Variants in GRIA2 observed in about 807,000 individuals in gnomAD.
The protein encoded by GRIA2 is glutamate ionotropic receptor AMPA type subunit 2.
GRIA2 carries 14 observed loss-of-function variants against 97.3 expected under a neutral mutation model. That is an observed-to-expected ratio of 0.14 (90% CI 0.10 to 0.23). The LOEUF (loss-of-function observed/expected upper bound fraction) is 0.23. Among genes scored for constraint, GRIA2 ranks in the 10% least tolerant of loss-of-function variants. GRIA2 has a pLI of 1.00. For missense variants in GRIA2, 558 were observed against 1,069.8 expected, an observed-to-expected ratio of 0.52 and a Z score of 6.67; for synonymous variants, 412 against 387.8, an observed-to-expected ratio of 1.06 and a Z score of -0.73.
At chr4:157,323,918 T>C (rs1435206212) in intron 6 of GRIA2, among the ~76,000 whole-genome samples, 2 of 152,148 alleles carry the variant, frequency 1.3e-5, no homozygotes, top group Non-Finnish European at 2.9e-5. Context: ...GAGAGATCAT[T>C]ATGCTTCTTC....
chr4:157,234,848 C>A (rs927291445), intron 2 of GRIA2, among the ~76,000 whole-genome samples: 1 of 152,066 alleles, frequency 6.6e-6, no homozygotes, highest in African/African-American at 2.4e-5. Context: ...GAGATTATTT[C>A]TCTTAGGGAG....
At chr4:157,349,064 T>C (rs1735888146) in intron 12 of GRIA2, among the ~76,000 whole-genome samples, 1 of 152,218 alleles carries the variant, frequency 6.6e-6, no homozygotes, top group Non-Finnish European at 1.5e-5. Flanking sequence ...ACAGTGACTA[T>C]TGATGGAACA....
chr4:157,259,883 G>A (rs1368547436), intron 2 of GRIA2, among the ~76,000 whole-genome samples: 1 of 152,014 alleles, frequency 6.6e-6, no homozygotes, highest in Admixed American at 6.6e-5. Context: ...GATTAGAATT[G>A]TATTTGATTA....
chr4:157,262,830 G>A (rs985733312), intron 2 of GRIA2, among the ~76,000 whole-genome samples: 3 of 151,938 alleles, frequency 2.0e-5, no homozygotes, highest in Non-Finnish European at 2.9e-5. Flanking sequence ...AAACTTCTTA[G>A]GGAAACCACT....
intron 5 of GRIA2, among the ~76,000 whole-genome samples, chr4:157,318,171 A>G (rs1424280313): frequency 6.6e-6 from 1 of 152,136 alleles, no homozygotes; most frequent in Non-Finnish European, 1.5e-5. Context: ...AGAAAAGGGA[A>G]AATTCTCAAA....
In GRIA2 at chr4:157,287,808, A is replaced by G. The variant is rs1365528039; in HGVS notation, c.230-15744A>G. ...CAAAGTCTTTCTCTTTTCTCCGATG[A>G]GCCATTAAAATTCAAGATTCTAGGT... On this transcript the variant is annotated intron_variant, in intron 2 of 15. Transcript: ENST00000264426. Among the ~76,000 whole-genome samples, 5 of 151,486 alleles carry G rather than the reference A, an allele frequency of 3.3e-5. No homozygotes were observed. The Admixed American group carries it at 3.3e-4, about 10-fold the overall frequency.
chr4:157,295,382 G>T (rs1480449437), intron 2 of GRIA2, among the ~76,000 whole-genome samples: 2 of 152,108 alleles, frequency 1.3e-5, no homozygotes, highest in Non-Finnish European at 2.9e-5. Flanking sequence ...TTGTGGCAGA[G>T]CTATAGGGAA....
At chr4:157,276,571 G>A (rs1579324900) in intron 2 of GRIA2, among the ~76,000 whole-genome samples, 1 of 151,550 alleles carries the variant, frequency 6.6e-6, no homozygotes, top group East Asian at 1.9e-4. Flanking sequence ...AATCAAGAGT[G>A]AGAAAATCAA....
At chr4:157,243,097 C>T (rs1427107869) in intron 2 of GRIA2, among the ~76,000 whole-genome samples, 2 of 152,046 alleles carry the variant, frequency 1.3e-5, no homozygotes, top group African/African-American at 4.8e-5. Context: ...CAGAGTGTTG[C>T]CTTGTTTGAT....
intron 12 of GRIA2, among the ~76,000 whole-genome samples, chr4:157,347,526 C>G (rs1030808924): frequency 1.3e-5 from 2 of 152,192 alleles, no homozygotes; most frequent in African/African-American, 4.8e-5. Context: ...GGATTAGTCT[C>G]TCATTTCAAA....
intron 1 of GRIA2, chr4:157,221,464 C>T: frequency 1.7e-6 from 1 of 592,024 alleles, no homozygotes; most frequent in Non-Finnish European, 3.0e-6. Flanking sequence ...GGCCGCCTAC[C>T]TCGCCTTCAG....
At chr4:157,321,704 C>T in intron 6 of GRIA2, 105 bp downstream of exon 6, 4 of 712,512 alleles carry the variant, frequency 5.6e-6, no homozygotes, top group Non-Finnish European at 7.1e-6. Flanking sequence ...GTAGAGAGCA[C>T]GTTTCAAAAT....
At chr4:157,352,433 G>T in intron 12 of GRIA2, among the ~76,000 whole-genome samples, 1 of 151,984 alleles carries the variant, frequency 6.6e-6, no homozygotes, top group Non-Finnish European at 1.5e-5. Context: ...AATACTTATA[G>T]TTGACCAGGC....
intron 2 of GRIA2, among the ~76,000 whole-genome samples, chr4:157,298,054 G>T (rs1553953496): frequency 7.9e-5 from 12 of 151,602 alleles, no homozygotes; most frequent in Non-Finnish European, 1.8e-4. Flanking sequence ...TGAAGAAAAA[G>T]AAAAAAAATT....
intron 2 of GRIA2, among the ~76,000 whole-genome samples, chr4:157,302,953 G>A (rs1231646360): frequency 1.3e-5 from 2 of 152,172 alleles, no homozygotes; most frequent in African/African-American, 4.8e-5. Flanking sequence ...CCATGGGGAA[G>A]ATTAAAATGC....
Position 157,364,789 on chromosome 4 carries a change from T to A in GRIA2, c.*1358T>A, listed in dbSNP as rs1280197020. On this transcript the variant is annotated 3_prime_UTR_variant, in exon 16 of 16. Transcript: ENST00000264426. The stretch of plus-strand genomic sequence containing the variant: ...TTGAGTCTCCTGCAATATAGTTTCA[T>A]CCCATTGACATCAATTAAAAATAAC... The A allele has an allele frequency of 6.6e-6, 1 of 152,112 alleles. No homozygotes were observed. The highest frequency in any genetic ancestry group is 1.5e-5 in the Non-Finnish European group (1 of 67,776). 9.4% of individuals were successfully genotyped at this position (152,112 alleles called of 1,614,324 possible). A position where few individuals can be genotyped will look rare whatever the true frequency, so the allele number is the denominator to read the frequency against.
intron 10 of GRIA2, 32 bp from the exon 11 acceptor site, chr4:157,336,345 G>A (rs1287734753): frequency 1.3e-6 from 2 of 1,492,648 alleles, no homozygotes; most frequent in Non-Finnish European, 1.8e-6. Context: ...CATGACTCCA[G>A]GTACTATTAC....
chr4:157,276,943 C>A (rs1387185712), intron 2 of GRIA2, among the ~76,000 whole-genome samples: 1 of 151,832 alleles, frequency 6.6e-6, no homozygotes, highest in Non-Finnish European at 1.5e-5. Flanking sequence ...AAAGAAAGCA[C>A]CAGGCCCAGA....
In GRIA2 at chr4:157,361,531, C is replaced by G; in HGVS notation, c.2406+407C>G. Reference sequence around the variant, plus strand: ...ATAATGTTATTTATGTTATTTTCCACGTGAAGAACCCCAGTAAATCTTGCA... The same window carrying G: ...ATAATGTTATTTATGTTATTTTCCAGGTGAAGAACCCCAGTAAATCTTGCA... On this transcript the variant is annotated intron_variant, in intron 14 of 15. Coordinates refer to ENST00000264426, the MANE Select transcript of GRIA2 (RefSeq NM_001083619.3). The surrounding 1 kb of genome is among the most constrained non-coding windows in gnomAD (Gnocchi z 5.2). The G allele has an allele frequency of 6.6e-7, 1 of 1,525,546 alleles. No individual in the cohort carries two copies. The highest frequency in any genetic ancestry group is 9.1e-7 in the Non-Finnish European group (1 of 1,099,946). 94.5% of individuals were successfully genotyped at this position (1,525,546 alleles called of 1,614,324 possible).
Sources: allele counts gnomAD v4.1 joint callset (sites outside exome capture counted in the v4.1 genomes callset), GRCh38; gene constraint gnomAD v4.1.1; non-coding constraint Gnocchi (gnomAD v3.1); transcripts MANE v1.5; gene names NCBI Gene and HGNC (gene_info 2026-07-23, HGNC 2026-07-21).